The following EDA variants were observed in gnomAD, a reference collection of about 807,000 sequenced individuals.
EDA encodes ectodysplasin-A.
EDA carries 2 observed loss-of-function variants against 23.6 expected under a neutral mutation model. The observed-to-expected ratio is 0.08, with a 90% confidence interval of 0.03 to 0.27. The LOEUF is 0.27. EDA is among the 10% of genes least tolerant of loss of function. EDA has a pLI of 1.00. For synonymous variants in EDA, 131 were observed against 132.0 expected (o/e 0.99, Z 0.05); for missense variants, 229 against 324.2 (o/e 0.71, Z 2.26).
At chrX:69,966,552 C>T (rs750540418) in intron 2 of EDA, among the ~76,000 whole-genome samples, 5 of 92,181 alleles carry the variant, frequency 5.4e-5, no homozygotes, top group African/African-American at 1.7e-4. Flanking sequence ...GCAGCCTGGG[C>T]GAAAGAGTGA....
At chrX:69,995,581 G>A (rs748886092) in intron 2 of EDA, among the ~76,000 whole-genome samples, 14 of 111,741 alleles carry the variant, frequency 1.3e-4, no homozygotes, top group Non-Finnish European at 2.6e-4. Context: ...TCTGTGCTCA[G>A]GGCAGTAATA....
intron 1 of EDA, among the ~76,000 whole-genome samples, chrX:69,915,331 C>T (rs942495810): frequency 5.4e-5 from 6 of 111,488 alleles, no homozygotes; most frequent in African/African-American, 1.6e-4. Flanking sequence ...GGACCAGGCG[C>T]GGTGGCTCAT....
rs1443256979 is a variant in EDA, at chrX:69,680,958, A to C, written c.396+64254A>C. 3.7e-5 allele frequency among the ~76,000 whole-genome samples: 4 copies of C among 107,233 alleles called. No homozygotes were observed. In the East Asian group the frequency reaches 9.1e-4, roughly 24 times the overall value. 93.1% of individuals were successfully genotyped at this position (107,233 alleles called of 115,157 possible). ...TTGGCATGATTTTGCAGCGGCTGGTACCGGTTGTTCCTTTCCATGTTTAGC... is the reference window on the plus strand; with the variant it reads ...TTGGCATGATTTTGCAGCGGCTGGTCCCGGTTGTTCCTTTCCATGTTTAGC... On this transcript the variant is annotated intron_variant, in intron 1 of 7. Transcript: ENST00000374552.
chrX:69,779,439 G>A (rs150314196), intron 1 of EDA, among the ~76,000 whole-genome samples: 1,826 of 111,338 alleles, frequency 0.016, 31 homozygotes, highest in African/African-American at 0.055. Context: ...GTCACATTTT[G>A]TATGGTTCAA....
chrX:69,701,537 G>T (rs189431972), intron 1 of EDA, among the ~76,000 whole-genome samples: 2 of 111,755 alleles, frequency 1.8e-5, no homozygotes, highest in Non-Finnish European at 1.9e-5. Context: ...TCCTCATCAC[G>T]ATTGTTAGAC....
chrX:69,806,271 T>C (rs1267406853), intron 1 of EDA, among the ~76,000 whole-genome samples: 1 of 111,949 alleles, frequency 8.9e-6, no homozygotes, highest in East Asian at 2.8e-4. Flanking sequence ...ACTCTGACTT[T>C]AGATTTTCTT....
chrX:69,790,846 C>CTTT (rs35288981), intron 1 of EDA, among the ~76,000 whole-genome samples: 1 of 102,740 alleles, frequency 9.7e-6, no homozygotes. Flanking sequence ...TTCCTCATGG[C>CTTT]TTTTTTTTTT....
intron 1 of EDA, among the ~76,000 whole-genome samples, chrX:69,932,937 TTC>T (rs1457130314): frequency 9.3e-6 from 1 of 107,432 alleles, no homozygotes; most frequent in African/African-American, 3.6e-5. Flanking sequence ...TTAGTTCCTC[TTC>T]TTTTTTTTTT....
At chrX:69,848,063 G>T (rs1004096510) in intron 1 of EDA, among the ~76,000 whole-genome samples, 4 of 111,468 alleles carry the variant, frequency 3.6e-5, no homozygotes, top group African/African-American at 1.3e-4. Flanking sequence ...GTGTTATAGT[G>T]ATTTTAATTT....
intron 1 of EDA, among the ~76,000 whole-genome samples, chrX:69,641,284 G>A (rs77455158): frequency 6.3e-5 from 7 of 111,772 alleles, no homozygotes; most frequent in African/African-American, 1.9e-4. Flanking sequence ...AATTTGCAGT[G>A]GCAAATTATA....
chrX:69,726,931 C>T (rs769156798), intron 1 of EDA, among the ~76,000 whole-genome samples: 12 of 112,352 alleles, frequency 1.1e-4, no homozygotes, highest in African/African-American at 1.9e-4. Flanking sequence ...CAGACGGCTA[C>T]GTGTTAAACC....
At chrX:69,794,799 CATT>C (rs1481979391) in intron 1 of EDA, among the ~76,000 whole-genome samples, 3 of 111,085 alleles carry the variant, frequency 2.7e-5, no homozygotes, top group Admixed American at 9.6e-5. Flanking sequence ...GAGAGAAAGT[CATT>C]ATTTCTAGGT....
chrX:69,949,671 AT>A (rs891169067), intron 1 of EDA, among the ~76,000 whole-genome samples: 4 of 111,610 alleles, frequency 3.6e-5, no homozygotes, highest in African/African-American at 1.3e-4. Flanking sequence ...TCAAAAAAAA[AT>A]CTTGGCTTTA....
intron 1 of EDA, among the ~76,000 whole-genome samples, chrX:69,935,611 G>C (rs1425657070): frequency 2.7e-5 from 3 of 111,532 alleles, no homozygotes; most frequent in Non-Finnish European, 5.7e-5. Context: ...GAATGTACAA[G>C]GGAGACAAAC....
intron 3 of EDA, among the ~76,000 whole-genome samples, chrX:70,024,665 G>A (rs1168147309): frequency 8.9e-6 from 1 of 111,928 alleles, no homozygotes; most frequent in Non-Finnish European, 1.9e-5. Context: ...GGATTTCCTT[G>A]GACATGGTGA....
chrX:69,839,261 C>T (rs1381644052), intron 1 of EDA, among the ~76,000 whole-genome samples: 1 of 111,989 alleles, frequency 8.9e-6, no homozygotes, highest in Non-Finnish European at 1.9e-5. Flanking sequence ...TCTATTCTCC[C>T]TTCTTAGAAA....
chrX:70,030,937 G>A (rs2020189906), intron 6 of EDA, among the ~76,000 whole-genome samples: 1 of 112,162 alleles, frequency 8.9e-6, no homozygotes. Context: ...TCTCAGGGAA[G>A]GTGGGGCATG....
In EDA at chrX:70,032,088, G is replaced by A. The variant is rs149032528; in HGVS notation, c.794-1310G>A. ...AGCCTGGCCAACATGGTGAAACCCCGTCTCCACAAAAAATACAAAAATTAG... is the reference window on the plus strand; with the variant it reads ...AGCCTGGCCAACATGGTGAAACCCCATCTCCACAAAAAATACAAAAATTAG... On this transcript the variant is annotated intron_variant, in intron 6 of 7. Transcript: ENST00000374552. 2.9e-3 allele frequency among the ~76,000 whole-genome samples: 316 copies of A among 110,487 alleles called. 1 individual carries two copies. Among genetic ancestry groups the A allele is most frequent in the South Asian group, 5.5e-3 (14 of 2,561 alleles).
intron 1 of EDA, among the ~76,000 whole-genome samples, chrX:69,691,288 A>T (rs1934705613): frequency 9.0e-6 from 1 of 111,609 alleles, no homozygotes; most frequent in South Asian, 3.7e-4. Context: ...CTAGCACAAT[A>T]CCTATTTATG....
Sources: allele counts gnomAD v4.1 joint callset (sites outside exome capture counted in the v4.1 genomes callset), GRCh38; gene constraint gnomAD v4.1.1; transcripts MANE v1.5; gene names NCBI Gene and HGNC (gene_info 2026-07-23, HGNC 2026-07-21).